The following ATF7IP2 variants were observed in gnomAD, a reference collection of about 807,000 sequenced individuals.
The protein encoded by ATF7IP2 is activating transcription factor 7-interacting protein 2.
A neutral mutation model predicts 64.2 loss-of-function variants in ATF7IP2; 42 were observed. The ratio of observed to expected loss-of-function variants is 0.65; its 90% CI spans 0.51 to 0.85. The LOEUF is 0.85. Ranked by LOEUF, ATF7IP2 falls within the 40% of genes least tolerant of loss-of-function variation. The probability of loss-of-function intolerance (pLI) is 0.00; values close to 1 mark genes in which losing one functional copy is unlikely to be tolerated. For synonymous variants in ATF7IP2, 308 were observed against 272.8 expected (o/e 1.13, Z -1.27); for missense variants, 933 against 784.2 (o/e 1.19, Z -2.27).
intron 1 of ATF7IP2, among the ~76,000 whole-genome samples, chr16:10,390,348 A>G (rs1437676466): frequency 6.6e-6 from 1 of 152,234 alleles, no homozygotes; most frequent in Non-Finnish European, 1.5e-5. Flanking sequence ...CTTGTGAATA[A>G]TCTACAGGTT....
chr16:10,447,872 C>G (rs2048862043), intron 8 of ATF7IP2: 1 of 152,282 alleles, frequency 6.6e-6, no homozygotes, highest in Non-Finnish European at 1.5e-5. Flanking sequence ...TTCCTAACAC[C>G]TAGGTTTTCT....
intron 1 of ATF7IP2, among the ~76,000 whole-genome samples, chr16:10,412,895 T>G (rs540783560): frequency 6.6e-6 from 1 of 152,322 alleles, no homozygotes; most frequent in Admixed American, 6.5e-5. Flanking sequence ...TGGATAATGC[T>G]TTTTATCATT....
chr16:10,473,937 A>T lies in ATF7IP2; in HGVS notation c.1497A>T (p.Lys499Asn). ...AATTTTTTTAGGCTGTACAGAAGAA[A>T]CTTGATTCTATAATTGATTTGACAA... ...PNAEVMAVQK[K>N]LDSIIDLTKE... Residue 499 changes from lysine to asparagine, a missense_variant, in exon 12 of 14, where the codon AAA (lysine) becomes AAT (asparagine). Physicochemically the swap from Lys to Asn is moderately conservative, Grantham distance 94. Transcript: ENST00000562102. 1 of 1,589,802 alleles carries T rather than the reference A, an allele frequency of 6.3e-7. No homozygotes were observed. The highest frequency in any genetic ancestry group is 1.7e-5 in the Admixed American group (1 of 58,786).
At chr16:10,406,086 C>G (rs529292773) in intron 1 of ATF7IP2, among the ~76,000 whole-genome samples, 20 of 142,134 alleles carry the variant, frequency 1.4e-4, no homozygotes, top group Non-Finnish European at 2.7e-4. Flanking sequence ...GAGAATCTGT[C>G]TCAAAAAAAA....
intron 1 of ATF7IP2, among the ~76,000 whole-genome samples, chr16:10,401,476 T>G (rs1038198701): frequency 6.6e-6 from 1 of 152,144 alleles, no homozygotes; most frequent in Non-Finnish European, 1.5e-5. Context: ...CCTGTTATCT[T>G]TTTTATGTGC....
At chr16:10,456,424 A>T (rs745392361) in intron 8 of ATF7IP2, among the ~76,000 whole-genome samples, 3 of 152,188 alleles carry the variant, frequency 2.0e-5, no homozygotes, top group Non-Finnish European at 2.9e-5. Flanking sequence ...GGGCTCTTTG[A>T]AAACACTAAG....
At chr16:10,453,153 C>G (rs7196870) in intron 8 of ATF7IP2, among the ~76,000 whole-genome samples, 93,136 of 152,000 alleles carry the variant, frequency 0.61, 28,863 homozygotes, top group African/African-American at 0.72. Context: ...AACTCCTGCA[C>G]CTAACTCAGT....
chr16:10,407,341 G>A (rs909066897), intron 1 of ATF7IP2, among the ~76,000 whole-genome samples: 3 of 152,106 alleles, frequency 2.0e-5, no homozygotes, highest in South Asian at 4.1e-4. Context: ...AAGGCTGCCC[G>A]TTTTCACCAC....
chr16:10,457,718 G>GT, intron 9 of ATF7IP2, 189 bp downstream of exon 9: 1 of 425,140 alleles, frequency 2.4e-6, no homozygotes, highest in Non-Finnish European at 4.0e-6. Flanking sequence ...GTTTTCTGGT[G>GT]TTTTTTGAGA....
intron 8 of ATF7IP2, among the ~76,000 whole-genome samples, chr16:10,444,254 G>C (rs1461623289): frequency 1.3e-5 from 2 of 152,174 alleles, no homozygotes; most frequent in Non-Finnish European, 2.9e-5. Flanking sequence ...TTGAATATTA[G>C]TTTGGAAGGT....
chr16:10,389,587 A>G (rs1231130205), intron 1 of ATF7IP2, among the ~76,000 whole-genome samples: 1 of 152,232 alleles, frequency 6.6e-6, no homozygotes, highest in East Asian at 1.9e-4. Context: ...TTCATCTGCA[A>G]TTACAGGAAA....
chr16:10,457,586 T>C, intron 9 of ATF7IP2, 57 bp downstream of exon 9: 1 of 1,277,338 alleles, frequency 7.8e-7, no homozygotes, highest in Non-Finnish European at 1.1e-6. Flanking sequence ...ATGAATTTTT[T>C]CTTCATCACA....
At chr16:10,436,470 A>G (rs182573947) in intron 6 of ATF7IP2, among the ~76,000 whole-genome samples, 3 of 152,114 alleles carry the variant, frequency 2.0e-5, no homozygotes, top group Non-Finnish European at 4.4e-5. Context: ...AATGACAATC[A>G]TGTCTAATGT....
At chr16:10,396,731 C>A (rs1452829397) in intron 1 of ATF7IP2, among the ~76,000 whole-genome samples, 1 of 151,952 alleles carries the variant, frequency 6.6e-6, no homozygotes, top group African/African-American at 2.4e-5. Flanking sequence ...TCACTGCAGC[C>A]TCCACCTCCT....
chr16:10,442,669 G>A (rs1298381612), intron 8 of ATF7IP2, among the ~76,000 whole-genome samples: 1 of 152,062 alleles, frequency 6.6e-6, no homozygotes, highest in African/African-American at 2.4e-5. Context: ...GTTCCATGAG[G>A]GGCTGTATTG....
At chr16:10,438,701 C>T (rs1202188194) in intron 7 of ATF7IP2, among the ~76,000 whole-genome samples, 2 of 152,138 alleles carry the variant, frequency 1.3e-5, no homozygotes, top group Admixed American at 6.5e-5. Context: ...TTAGCAATAT[C>T]GGCTTTTGAG....
chr16:10,402,245 T>G (rs2047549411), intron 1 of ATF7IP2, among the ~76,000 whole-genome samples: 1 of 152,212 alleles, frequency 6.6e-6, no homozygotes, highest in Admixed American at 6.5e-5. Context: ...AAGCACTGCC[T>G]TTGCTATATC....
intron 8 of ATF7IP2, among the ~76,000 whole-genome samples, chr16:10,440,972 A>G (rs976919503): frequency 2.6e-5 from 4 of 151,614 alleles, no homozygotes; most frequent in Non-Finnish European, 5.9e-5. Flanking sequence ...TCATTGTTCA[A>G]CTCCCACTTA....
In ATF7IP2 at chr16:10,431,252, A is replaced by T. The variant is rs759265154; in HGVS notation, c.632A>T (p.Asp211Val). The stretch of plus-strand genomic sequence containing the variant: ...ACAAACTCCAATTCAGAATCACATG[A>T]TAAAAGGCAAAGTGACAACATTTTA... ...LETNSNSESH[D>V]KRQSDNILCS... The change falls in exon 5 of 14, where the codon GAT becomes GTT. Residue 211 changes from aspartate to valine, a missense_variant. Transcript: ENST00000562102. The T allele has an allele frequency of 1.9e-6, 3 of 1,614,214 alleles. No homozygotes were observed. The highest frequency in any genetic ancestry group is 8.5e-7 in the Non-Finnish European group (1 of 1,180,026).
Sources: gnomAD v4.1 joint callset for allele counts (sites outside exome capture counted in the v4.1 genomes callset) on GRCh38, gnomAD v4.1.1 for gene constraint, MANE v1.5 for transcripts, NCBI Gene and HGNC (gene_info 2026-07-23, HGNC 2026-07-21) for gene names.